The following WWOX variants were observed in gnomAD, a reference collection of about 807,000 sequenced individuals.
WWOX encodes WW domain containing oxidoreductase, also known as WW domain-containing oxidoreductase.
Under a neutral mutation model 46.2 loss-of-function variants are expected in WWOX, and 69 were observed. That is an observed-to-expected ratio of 1.49 (90% CI 1.23 to 1.82). The LOEUF is 1.82. Among genes scored for constraint, WWOX ranks in the 40% most tolerant of loss-of-function variants. The pLI, the probability that WWOX is intolerant of heterozygous loss-of-function variation, is 0.00. For missense variants in WWOX, 919 were observed against 542.6 expected, an observed-to-expected ratio of 1.69 and a Z score of -6.89; for synonymous variants, 359 against 202.6, an observed-to-expected ratio of 1.77 and a Z score of -6.56.
chr16:78,378,151 G>A (rs2081873461), intron 5 of WWOX, among the ~76,000 whole-genome samples: 1 of 152,014 alleles, frequency 6.6e-6, no homozygotes, highest in African/African-American at 2.4e-5. Flanking sequence ...GAAATCCAGG[G>A]CTTTGCTAGG....
chr16:78,520,178 G>C (rs921701972), intron 8 of WWOX, among the ~76,000 whole-genome samples: 2 of 152,182 alleles, frequency 1.3e-5, no homozygotes, highest in African/African-American at 2.4e-5. Context: ...TATGGGATGA[G>C]TTCCCAGGCA....
At chr16:78,460,946 G>A (rs2137098) in intron 8 of WWOX, among the ~76,000 whole-genome samples, 2,342 of 152,098 alleles carry the variant, frequency 0.015, 26 homozygotes, top group South Asian at 0.028. Flanking sequence ...AGTGACAGGG[G>A]TATCAGTAAT....
chr16:78,316,622 C>G (rs1308652893), intron 5 of WWOX, among the ~76,000 whole-genome samples: 3 of 152,102 alleles, frequency 2.0e-5, no homozygotes, highest in Admixed American at 2.0e-4. Flanking sequence ...GGATTATAGG[C>G]CTGAGCCACG....
intron 1 of WWOX, among the ~76,000 whole-genome samples, chr16:78,103,600 C>T (rs762011790): frequency 6.6e-6 from 1 of 152,154 alleles, no homozygotes; most frequent in Admixed American, 6.5e-5. Flanking sequence ...GATCTGTGAG[C>T]ATCCTGGCCC....
chr16:78,879,458 C>T (rs1389299298), intron 8 of WWOX, among the ~76,000 whole-genome samples: 1 of 151,998 alleles, frequency 6.6e-6, no homozygotes, highest in African/African-American at 2.4e-5. Flanking sequence ...TCTGCTCTCA[C>T]TTCCCCAAAC....
At chr16:79,177,873 G>A (rs1256305885) in intron 8 of WWOX, among the ~76,000 whole-genome samples, 1 of 152,276 alleles carries the variant, frequency 6.6e-6, no homozygotes, top group Non-Finnish European at 1.5e-5. Flanking sequence ...CCATAAACTA[G>A]GTAGCTTATA....
At chr16:78,950,240 G>A (rs759962036) in intron 8 of WWOX, among the ~76,000 whole-genome samples, 11 of 152,056 alleles carry the variant, frequency 7.2e-5, no homozygotes, top group Admixed American at 1.3e-4. Context: ...GTTGAATTAC[G>A]GTCTTTAGCT....
chr16:78,993,011 A>G (rs529914050), intron 8 of WWOX, among the ~76,000 whole-genome samples: 15 of 152,128 alleles, frequency 9.9e-5, no homozygotes, highest in South Asian at 2.1e-4. Flanking sequence ...AAACTGGACT[A>G]TTTATGCTGC....
intron 8 of WWOX, among the ~76,000 whole-genome samples, chr16:78,938,694 C>T (rs1028480956): frequency 6.6e-6 from 1 of 152,048 alleles, no homozygotes; most frequent in East Asian, 1.9e-4. Flanking sequence ...TGAAGGCAGA[C>T]TAAGTGTCTT....
intron 8 of WWOX, among the ~76,000 whole-genome samples, chr16:79,026,446 C>T (rs945649725): frequency 2.0e-5 from 3 of 151,562 alleles, no homozygotes; most frequent in African/African-American, 7.3e-5. Flanking sequence ...GAACTGTGTC[C>T]CCTTCCTTCT....
At chr16:78,784,884 C>T (rs908765727) in intron 8 of WWOX, among the ~76,000 whole-genome samples, 2 of 152,164 alleles carry the variant, frequency 1.3e-5, no homozygotes, top group Non-Finnish European at 2.9e-5. Context: ...CAGCGAATGC[C>T]TCTTGACAAT....
At chr16:78,889,445 A>T (rs1235883425) in intron 8 of WWOX, among the ~76,000 whole-genome samples, 1 of 147,208 alleles carries the variant, frequency 6.8e-6, no homozygotes, top group Non-Finnish European at 1.5e-5. Flanking sequence ...AGCCGACTTG[A>T]TGTGTCTCAG....
chr16:78,532,575 C>T (rs570157013), intron 8 of WWOX, among the ~76,000 whole-genome samples: 33 of 152,102 alleles, frequency 2.2e-4, no homozygotes, highest in Non-Finnish European at 4.3e-4. Context: ...TTTCATGCTA[C>T]TGATAAAGGC....
At chr16:78,941,025 G>A (rs965729958) in intron 8 of WWOX, among the ~76,000 whole-genome samples, 1 of 151,476 alleles carries the variant, frequency 6.6e-6, no homozygotes, top group African/African-American at 2.4e-5. Flanking sequence ...CTTTTCCCTT[G>A]TTATGACCAG....
In WWOX at chr16:78,259,815, T is replaced by A. The variant is rs965979670; in HGVS notation, c.516+95526T>A. The stretch of plus-strand genomic sequence containing the variant: ...TAGGAATTTCATATCTAGAAAAATA[T>A]TGTAAAGGAATATTTAAAGATATAT... On this transcript the variant is annotated intron_variant, in intron 5 of 8. Coordinates refer to ENST00000566780, the MANE Select transcript of WWOX (RefSeq NM_016373.4). Among the ~76,000 whole-genome samples, 7 of 151,412 alleles carry A rather than the reference T, an allele frequency of 4.6e-5. 1 individual carries two copies. Among genetic ancestry groups the A allele is most frequent in the Admixed American group, 1.3e-4 (2 of 15,234 alleles).
intron 8 of WWOX, among the ~76,000 whole-genome samples, chr16:78,962,073 C>A (rs1400624381): frequency 6.6e-6 from 1 of 151,988 alleles, no homozygotes; most frequent in Non-Finnish European, 1.5e-5. Flanking sequence ...TGGGTTGGGC[C>A]ATAAAGGAGC....
intron 8 of WWOX, among the ~76,000 whole-genome samples, chr16:78,925,773 G>C (rs938049006): frequency 6.6e-6 from 1 of 152,190 alleles, no homozygotes; most frequent in Non-Finnish European, 1.5e-5. Context: ...TGTTCTTGCA[G>C]GGTGAGGCTT....
chr16:79,211,545 A>G lies in WWOX; in HGVS notation c.1057-63A>G, dbSNP rs569323437. 3.7e-5 allele frequency: 60 copies of G among 1,609,178 alleles called. No individual in the cohort carries two copies. The East Asian group carries it at 1.3e-3, about 34-fold the overall frequency. ...GCCTGCTAATGCCCAGGCAGTCGAA[A>G]TGACGCCATCTCATCACTCCTTTTC... On this transcript the variant is annotated intron_variant, in intron 8 of 8. Transcript: ENST00000566780.
rs182250332 is a variant in WWOX, at chr16:78,389,142, G to C, written c.605+2194G>C. Among the ~76,000 whole-genome samples the C allele has an allele frequency of 2.0e-5, 3 of 152,332 alleles. No homozygotes were observed. The East Asian group carries it at 5.8e-4, about 29-fold the overall frequency. On this transcript the variant is annotated intron_variant, in intron 6 of 8. Transcript: ENST00000566780. Reference sequence around the variant, plus strand: ...ACATCCCCCAGCCAGCCAGATCTGAGAGAGCCCTCCTGTGTGTGTCCTTTG... The same window carrying C: ...ACATCCCCCAGCCAGCCAGATCTGACAGAGCCCTCCTGTGTGTGTCCTTTG...
Sources: allele counts gnomAD v4.1 joint callset (sites outside exome capture counted in the v4.1 genomes callset), GRCh38; gene constraint gnomAD v4.1.1; transcripts MANE v1.5; gene names NCBI Gene and HGNC (gene_info 2026-07-23, HGNC 2026-07-21).